The following MTBP variants were observed in gnomAD, a reference collection of about 807,000 sequenced individuals.
MTBP encodes MDM2 binding protein.
A neutral mutation model predicts 117.0 loss-of-function variants in MTBP; 101 were observed. The ratio of observed to expected loss-of-function variants is 0.86; its 90% CI spans 0.73 to 1.02. The LOEUF is 1.02. Ranked by LOEUF, MTBP falls within the 50% of genes least tolerant of loss-of-function variation. MTBP has a pLI of 0.00. For missense variants in MTBP, 970 were observed against 1,030.9 expected (o/e 0.94, Z 0.81); for synonymous variants, 350 against 351.5 (o/e 1.00, Z 0.05).
chr8:120,462,505 T>G (rs189499422), intron 9 of MTBP, among the ~76,000 whole-genome samples: 1 of 152,242 alleles, frequency 6.6e-6, no homozygotes, highest in Admixed American at 6.5e-5. Flanking sequence ...TACATTGTAG[T>G]AAAAAGCATA....
intron 13 of MTBP, among the ~76,000 whole-genome samples, chr8:120,493,513 C>G (rs759343509): frequency 6.0e-5 from 9 of 150,166 alleles, no homozygotes; most frequent in Non-Finnish European, 1.0e-4. Flanking sequence ...TTTTTTGAGA[C>G]AGAATTTTGC....
In MTBP at chr8:120,488,347, C is replaced by A; in HGVS notation, c.1339+15C>A. 1 of 1,498,436 alleles carries A rather than the reference C, an allele frequency of 6.7e-7. No homozygotes were observed. Among genetic ancestry groups the A allele is most frequent in the Non-Finnish European group, 8.9e-7 (1 of 1,127,802 alleles). 92.8% of individuals were successfully genotyped at this position (1,498,436 alleles called of 1,614,324 possible). A position where few individuals can be genotyped will look rare whatever the true frequency, so the allele number is the denominator to read the frequency against. On this transcript the variant is annotated intron_variant, in intron 12 of 21. Coordinates refer to ENST00000305949, the MANE Select transcript of MTBP (RefSeq NM_022045.5). ...AGCCAAATTGAGTAAGTGTTAACTT[C>A]AGGTAGAAAAACATGTTTACATTGT... is the stretch of plus-strand genomic sequence containing the variant.
chr8:120,462,041 T>C (rs1346026519), intron 9 of MTBP, among the ~76,000 whole-genome samples: 1 of 152,142 alleles, frequency 6.6e-6, no homozygotes, highest in Non-Finnish European at 1.5e-5. Flanking sequence ...TAAAGAGTAG[T>C]GGTTTTTTGG....
chr8:120,522,284 G>A (rs1465063492), intron 20 of MTBP, among the ~76,000 whole-genome samples: 7 of 37,478 alleles, frequency 1.9e-4, no homozygotes, highest in African/African-American at 4.6e-4. Context: ...GGATGCTCAC[G>A]GTGGAGGATG....
chr8:120,456,755 TACCTTATAAA>T (rs1813478737), intron 7 of MTBP, 85 bp downstream of exon 7: 5 of 768,562 alleles, frequency 6.5e-6, no homozygotes, highest in Admixed American at 2.3e-5. Flanking sequence ...AATGAAAATG[TACCTTATAAA>T]GATATTCTAG....
intron 14 of MTBP, among the ~76,000 whole-genome samples, chr8:120,497,805 A>G (rs537083827): frequency 6.6e-6 from 1 of 152,320 alleles, no homozygotes; most frequent in Admixed American, 6.5e-5. Context: ...GGGCAGAGGA[A>G]GAAGCACTTT....
At chr8:120,518,650 ATAG>A in intron 19 of MTBP, 51 bp from the exon 20 acceptor site, 1 of 1,198,722 alleles carries the variant, frequency 8.3e-7, no homozygotes, top group Admixed American at 2.1e-5. Flanking sequence ...AGCTGAAATA[ATAG>A]GTTTGTGCCT....
chr8:120,481,947 CT>C (rs1020361806), intron 11 of MTBP, among the ~76,000 whole-genome samples: 1 of 152,050 alleles, frequency 6.6e-6, no homozygotes, highest in African/African-American at 2.4e-5. Flanking sequence ...TAAAGAATCA[CT>C]TTTTTTCTAA....
chr8:120,522,631 A>T, intron 20 of MTBP, 23 bp from the exon 21 acceptor site: 2 of 1,461,476 alleles, frequency 1.4e-6, no homozygotes, highest in East Asian at 2.3e-5. Context: ...AGATTGTAAA[A>T]TGCTGTATTT....
intron 18 of MTBP, 51 bp from the exon 19 acceptor site, chr8:120,517,800 G>A: frequency 5.2e-6 from 8 of 1,537,142 alleles, no homozygotes; most frequent in East Asian, 2.3e-5. Flanking sequence ...AATGAACTTC[G>A]ATGTTGATTC....
chr8:120,461,946 A>G (rs920925320), intron 9 of MTBP, among the ~76,000 whole-genome samples: 2 of 152,164 alleles, frequency 1.3e-5, no homozygotes, highest in African/African-American at 4.8e-5. Flanking sequence ...TTCTTATTGA[A>G]AGTTCTTTGC....
At chr8:120,503,313 C>G (rs1478822342) in intron 15 of MTBP, among the ~76,000 whole-genome samples, 1 of 152,148 alleles carries the variant, frequency 6.6e-6, no homozygotes, top group Admixed American at 6.5e-5. Context: ...TGCACTGCCC[C>G]TCTCATCTAG....
intron 17 of MTBP, among the ~76,000 whole-genome samples, chr8:120,511,619 T>C (rs940471442): frequency 6.6e-6 from 1 of 152,224 alleles, no homozygotes; most frequent in Non-Finnish European, 1.5e-5. Context: ...TCATTTATAC[T>C]AAGTTCATTA....
At chr8:120,468,275 C>T (rs1356300012) in intron 10 of MTBP, among the ~76,000 whole-genome samples, 1 of 151,956 alleles carries the variant, frequency 6.6e-6, no homozygotes, top group Non-Finnish European at 1.5e-5. Flanking sequence ...TTGTTCCTAA[C>T]ATATTAGGTT....
At position 120,517,952 on chromosome 8, in the gene MTBP, G is replaced by T. The variant is rs548643877; in HGVS notation, c.2348G>T (p.Arg783Leu). Reference sequence around the variant, plus strand: ...ACATCCAGAAAGCCACAAACAGAACGGTCCTTACCAGTGACTTGTCCATTG... The same window carrying T: ...ACATCCAGAAAGCCACAAACAGAACTGTCCTTACCAGTGACTTGTCCATTG... ...HVTSRKPQTE[R>L]SLPVTCPLVP... Residue 783 changes from arginine to leucine, a missense_variant, in exon 19 of 22, where the codon CGG (arginine) becomes CTG (leucine). Physicochemically the swap from Arg to Leu is moderately radical, Grantham distance 102 (BLOSUM62 -2). Transcript: ENST00000305949. 8 of 1,612,546 alleles carry T rather than the reference G, an allele frequency of 5.0e-6. No homozygotes were observed. In the East Asian group the frequency reaches 1.8e-4, roughly 36 times the overall value.
At chr8:120,449,709 C>A (rs907918210) in intron 2 of MTBP, among the ~76,000 whole-genome samples, 17 of 152,046 alleles carry the variant, frequency 1.1e-4, no homozygotes, top group African/African-American at 4.1e-4. Flanking sequence ...AAGGAGCAGC[C>A]AGAAGGATGG....
At position 120,459,205 on chromosome 8, in the gene MTBP, C is replaced by G; in HGVS notation, c.748-10C>G. ...ATACTTGTAACTGTGTTTTCTTGGTCTCTTTTCAGTTTGGATTTGAAATTA... is the reference window on the plus strand; with the variant it reads ...ATACTTGTAACTGTGTTTTCTTGGTGTCTTTTCAGTTTGGATTTGAAATTA... On this transcript the variant is annotated splice_polypyrimidine_tract_variant and intron_variant, in intron 7 of 21. Coordinates refer to ENST00000305949, the MANE Select transcript of MTBP (RefSeq NM_022045.5). 1 of 1,602,430 alleles carries G rather than the reference C, an allele frequency of 6.2e-7. No individual in the cohort carries two copies. Among genetic ancestry groups the G allele is most frequent in the Non-Finnish European group, 8.5e-7 (1 of 1,173,014 alleles).
intron 17 of MTBP, among the ~76,000 whole-genome samples, chr8:120,511,824 ATT>A (rs147615370): frequency 0.014 from 2,085 of 152,128 alleles, 41 homozygotes; most frequent in African/African-American, 0.046. Flanking sequence ...CAATATATAT[ATT>A]ATTTGTTTGG....
intron 13 of MTBP, among the ~76,000 whole-genome samples, chr8:120,495,275 ATGTTTC>A (rs1814427251): frequency 6.6e-6 from 1 of 152,038 alleles, no homozygotes; most frequent in South Asian, 2.1e-4. Flanking sequence ...CTGCTTTGCT[ATGTTTC>A]TGTTGCGAAG....
Sources: gnomAD v4.1 joint callset for allele counts (sites outside exome capture counted in the v4.1 genomes callset) on GRCh38, gnomAD v4.1.1 for gene constraint, MANE v1.5 for transcripts, NCBI Gene and HGNC (gene_info 2026-07-23, HGNC 2026-07-21) for gene names.